The following SCML4 variants were observed in gnomAD, a reference collection of about 807,000 sequenced individuals.
The protein encoded by SCML4 is sex comb on midleg-like protein 4.
SCML4 carries 34 observed loss-of-function variants against 41.1 expected under a neutral mutation model. That is an observed-to-expected ratio of 0.83 (90% CI 0.63 to 1.10). SCML4 has a LOEUF of 1.10. Among genes scored for constraint, SCML4 ranks in the 50% least tolerant of loss-of-function variants. The pLI is 0.00. For missense variants in SCML4, 522 were observed against 534.1 expected (o/e 0.98, Z 0.22); for synonymous variants, 214 against 220.9 (o/e 0.97, Z 0.28).
intron 5 of SCML4, 23 bp from the exon 6 acceptor site, chr6:107,721,016 G>T (rs1470011421): frequency 6.4e-7 from 1 of 1,570,250 alleles, no homozygotes; most frequent in Admixed American, 1.9e-5. Flanking sequence ...GCAGTACAGA[G>T]AAGCAGATAT....
chr6:107,715,978 AAC>A (rs1774745102), intron 6 of SCML4, among the ~76,000 whole-genome samples: 1 of 136,200 alleles, frequency 7.3e-6, no homozygotes, highest in Non-Finnish European at 1.6e-5. Context: ...AGCAATATTG[AAC>A]AGTCATTTGG....
intron 1 of SCML4, among the ~76,000 whole-genome samples, chr6:107,802,670 C>T (rs1342013147): frequency 1.6e-3 from 12 of 7,702 alleles, no homozygotes; most frequent in Non-Finnish European, 5.0e-3. Flanking sequence ...TCTCCCTCTC[C>T]CTCCTCTCCC....
intron 1 of SCML4, among the ~76,000 whole-genome samples, chr6:107,822,830 G>A (rs776294770): frequency 1.3e-5 from 2 of 152,048 alleles, no homozygotes; most frequent in Admixed American, 6.5e-5. Context: ...ACGCAGTACC[G>A]ATTTTCTAGG....
chr6:107,793,535 G>GTTCTTTCTGCTTTCA (rs1277023502), intron 1 of SCML4, among the ~76,000 whole-genome samples: 3 of 152,204 alleles, frequency 2.0e-5, no homozygotes, highest in Admixed American at 6.5e-5. Context: ...GTGGAATCCT[G>GTTCTTTCTGCTTTCA]TTCTTTCTGC....
chr6:107,747,139 A>G (rs1172128908), intron 3 of SCML4, among the ~76,000 whole-genome samples: 1 of 152,156 alleles, frequency 6.6e-6, no homozygotes, highest in East Asian at 1.9e-4. Context: ...AGGTGGGTCC[A>G]CTCTGATCTA....
rs118050636 is a variant in SCML4, at chr6:107,820,518, G to A, written c.-60+3608C>T. 2.0e-5 allele frequency among the ~76,000 whole-genome samples: 3 copies of A among 152,294 alleles called. No individual in the cohort carries two copies. The East Asian group carries it at 5.8e-4, about 29-fold the overall frequency. On this transcript the variant is annotated intron_variant, in intron 1 of 7. Transcript: ENST00000369020. ...CAGATCAGAGGAAGCTAAATTCCAA[G>A]CCTCTGTAAGCATGTCCAAAATGGC...
intron 2 of SCML4, among the ~76,000 whole-genome samples, chr6:107,754,968 G>A (rs1273903391): frequency 2.0e-5 from 3 of 152,096 alleles, no homozygotes; most frequent in African/African-American, 4.8e-5. Flanking sequence ...GCCAGGCGTG[G>A]TGGCATATGC....
chr6:107,780,390 C>G (rs1396880167), intron 1 of SCML4, among the ~76,000 whole-genome samples: 2 of 152,138 alleles, frequency 1.3e-5, no homozygotes, highest in Non-Finnish European at 2.9e-5. Context: ...AAATTTTTCC[C>G]TTGGATACTA....
At chr6:107,818,695 G>T (rs186062029) in intron 1 of SCML4, among the ~76,000 whole-genome samples, 1 of 152,324 alleles carries the variant, frequency 6.6e-6, no homozygotes, top group East Asian at 1.9e-4. Flanking sequence ...AAAACCAAAA[G>T]CATGAATGCC....
intron 2 of SCML4, among the ~76,000 whole-genome samples, chr6:107,758,575 G>C (rs926978618): frequency 6.6e-6 from 1 of 152,204 alleles, no homozygotes. Context: ...CTGCATTAGG[G>C]TTGGTCTTAA....
chr6:107,743,142 T>C lies in SCML4; in HGVS notation c.682+1807A>G, dbSNP rs190231980. On this transcript the variant is annotated intron_variant, in intron 5 of 7. Coordinates refer to ENST00000369020, the MANE Select transcript of SCML4 (RefSeq NM_198081.5). ...TTGTAATTTCTTTAAAGTAACTTTT[T>C]ATACCTGTAGCATTTTTTATAAGCC... 1.5e-3 allele frequency among the ~76,000 whole-genome samples: 225 copies of C among 152,346 alleles called. 1 individual carries two copies. The highest frequency in any genetic ancestry group is 5.2e-3 in the African/African-American group (218 of 41,568).
intron 1 of SCML4, among the ~76,000 whole-genome samples, chr6:107,810,690 A>G (rs533840616): frequency 1.3e-5 from 2 of 152,230 alleles, no homozygotes; most frequent in Non-Finnish European, 2.9e-5. Flanking sequence ...AGGGAAATAG[A>G]TTAAACTGTC....
chr6:107,729,008 A>C (rs916193777), intron 5 of SCML4, among the ~76,000 whole-genome samples: 1 of 152,224 alleles, frequency 6.6e-6, no homozygotes, highest in African/African-American at 2.4e-5. Context: ...CGTAAAAGTG[A>C]CAGATGCATG....
intron 4 of SCML4, chr6:107,745,951 C>T (rs1778040614): frequency 6.6e-6 from 1 of 152,088 alleles, no homozygotes; most frequent in Non-Finnish European, 1.5e-5. Context: ...CGTGATTGTG[C>T]CACTGCACTC....
the SCML4 span, among the ~76,000 whole-genome samples, chr6:107,829,598 C>G: frequency 2.0e-4 from 30 of 152,016 alleles, no homozygotes; most frequent in African/African-American, 7.0e-4. Context: ...GGGTGGGGAG[C>G]AAGAGAAGGG....
chr6:107,780,944 G>A (rs1371799631), intron 1 of SCML4, among the ~76,000 whole-genome samples: 1 of 149,682 alleles, frequency 6.7e-6, no homozygotes, highest in African/African-American at 2.5e-5. Context: ...GACATAAATT[G>A]TTTGTGATAA....
intron 6 of SCML4, among the ~76,000 whole-genome samples, chr6:107,714,541 A>G (rs1774559195): frequency 6.6e-6 from 1 of 152,166 alleles, no homozygotes; most frequent in Non-Finnish European, 1.5e-5. Flanking sequence ...ATTTGTTGAC[A>G]TTTGTCTCCC....
At chr6:107,728,807 G>A (rs1013759778) in intron 5 of SCML4, among the ~76,000 whole-genome samples, 13 of 152,178 alleles carry the variant, frequency 8.5e-5, no homozygotes, top group Non-Finnish European at 1.5e-5. Context: ...GTGGACAACT[G>A]TCAAGACAAA....
chr6:107,724,851 G>T (rs1775795473), intron 5 of SCML4, among the ~76,000 whole-genome samples: 1 of 152,166 alleles, frequency 6.6e-6, no homozygotes, highest in South Asian at 2.1e-4. Flanking sequence ...AAAGTAGAAG[G>T]CTCACACTTC....
Sources: allele counts gnomAD v4.1 joint callset (sites outside exome capture counted in the v4.1 genomes callset), GRCh38; gene constraint gnomAD v4.1.1; transcripts MANE v1.5; gene names NCBI Gene and HGNC (gene_info 2026-07-23, HGNC 2026-07-21).